Variants in CDKL2 observed in about 807,000 individuals in gnomAD.
The protein encoded by CDKL2 is cyclin-dependent kinase-like 2.
CDKL2 carries 64 observed loss-of-function variants against 63.9 expected under a neutral mutation model. The ratio of observed to expected loss-of-function variants is 1.00; its 90% CI spans 0.82 to 1.23. CDKL2 has a LOEUF of 1.23. CDKL2 is among the 50% of genes most tolerant of loss of function. CDKL2 has a pLI of 0.00. For synonymous variants in CDKL2, 211 were observed against 229.2 expected (o/e 0.92, Z 0.72); for missense variants, 656 against 668.0 (o/e 0.98, Z 0.20).
At position 75,592,157 on chromosome 4, in the gene CDKL2, A is replaced by G; in HGVS notation, c.1529T>C (p.Leu510Pro). The G allele has an allele frequency of 1.3e-6, 2 of 1,533,700 alleles. No individual in the cohort carries two copies. The highest frequency in any genetic ancestry group is 1.7e-6 in the Non-Finnish European group (2 of 1,146,030). The change falls in exon 11 of 14, where the codon CTG (leucine) becomes CCG (proline). Residue 510 changes from leucine to proline, a missense_variant. Transcript: ENST00000307465. ...NYNHLPELRA[L>P]GGIARNSRLT... Reference sequence around the variant, plus strand: ...CATTATCAACACACCTATGCCTCCCAGTGCTCTTAGTTCAGGGAGATGATT... The same window carrying G: ...CATTATCAACACACCTATGCCTCCCGGTGCTCTTAGTTCAGGGAGATGATT...
chr4:75,615,569 C>G (rs1349562184), intron 2 of CDKL2, among the ~76,000 whole-genome samples: 1 of 152,214 alleles, frequency 6.6e-6, no homozygotes, highest in Non-Finnish European at 1.5e-5. Flanking sequence ...GTAAAAACAA[C>G]ATGAGCATTG....
Position 75,577,995 on chromosome 4 carries a change from CAA to C in CDKL2, c.*1205_*1206del, listed in dbSNP as rs10684785. 12 of 138,866 alleles carry C rather than the reference CAA, an allele frequency of 8.6e-5. No homozygotes were observed. Among genetic ancestry groups the C allele is most frequent in the Non-Finnish European group, 9.3e-5 (6 of 64,716 alleles). 8.6% of individuals were successfully genotyped at this position (138,866 alleles called of 1,614,324 possible). The stretch of plus-strand genomic sequence containing the variant: ...GCAACACACTATTAATTAGTTAAGG[CAA>C]AAAAAAAAAAAAAACTCACAAATTC... On this transcript the variant is annotated 3_prime_UTR_variant, in exon 14 of 14. Transcript: ENST00000307465.
rs573303705 is a variant in CDKL2, at chr4:75,606,449, A to G, written c.542+734T>C. Among the ~76,000 whole-genome samples, 4 of 152,242 alleles carry G rather than the reference A, an allele frequency of 2.6e-5. No homozygotes were observed. The East Asian group carries it at 7.7e-4, about 29-fold the overall frequency. Reference sequence around the variant, plus strand: ...AGGCTGGTCTTGAACTCCTGACCTCATGATCCTCCCGCCTGGGCCTCCCAA... The same window carrying G: ...AGGCTGGTCTTGAACTCCTGACCTCGTGATCCTCCCGCCTGGGCCTCCCAA... On this transcript the variant is annotated intron_variant, in intron 4 of 13. Coordinates refer to ENST00000307465, the MANE Select transcript of CDKL2 (RefSeq NM_001330724.2).
chr4:75,595,177 T>A (rs983008916), intron 10 of CDKL2, among the ~76,000 whole-genome samples: 1 of 151,106 alleles, frequency 6.6e-6, no homozygotes, highest in African/African-American at 2.4e-5. Context: ...ATTTATTATA[T>A]AAATAAATAG....
In CDKL2 at chr4:75,625,925, T is replaced by C; in HGVS notation, c.64A>G (p.Arg22Gly). The change falls in exon 2 of 14, where the codon AGG becomes GGG. Residue 22 changes from arginine (R) to glycine (G), a missense_variant. Coordinates refer to ENST00000307465, the MANE Select transcript of CDKL2 (RefSeq NM_001330724.2). ...EGSYGMVMKC[R>G]NKDTGRIVAI... ...ACAATTCTTCCAGTATCTTTATTCCTACACTTCATCACCATTCCATAACTC... is the reference window on the plus strand; with the variant it reads ...ACAATTCTTCCAGTATCTTTATTCCCACACTTCATCACCATTCCATAACTC... The C allele has an allele frequency of 6.2e-7, 1 of 1,613,008 alleles. No homozygotes were observed. The highest frequency in any genetic ancestry group is 1.3e-5 in the African/African-American group (1 of 75,038).
chr4:75,612,501 T>C (rs1729748255), intron 3 of CDKL2, among the ~76,000 whole-genome samples: 1 of 152,200 alleles, frequency 6.6e-6, no homozygotes, highest in Non-Finnish European at 1.5e-5. Flanking sequence ...CTGGTTCCAC[T>C]GGCAAGCCTA....
chr4:75,627,846 A>G (rs13133699), intron 1 of CDKL2, among the ~76,000 whole-genome samples: 130,280 of 148,790 alleles, frequency 0.88, 57,008 homozygotes, highest in East Asian at 0.92. Flanking sequence ...CCCAGTAGCT[A>G]GGGTTACAGG....
At chr4:75,603,769 T>G (rs866959625) in intron 6 of CDKL2, 48 bp downstream of exon 6, 6 of 1,175,936 alleles carry the variant, frequency 5.1e-6, no homozygotes, top group Middle Eastern at 2.4e-4. Flanking sequence ...AAGGTCTTGA[T>G]AGTGCATAAA....
At chr4:75,603,999 G>T (rs771595312) in intron 5 of CDKL2, 43 bp from the exon 6 acceptor site, 1 of 1,555,446 alleles carries the variant, frequency 6.4e-7, no homozygotes, top group South Asian at 1.2e-5. Flanking sequence ...TATACAACAT[G>T]ATAGAAATGG....
chr4:75,622,123 G>A (rs1375122256), intron 2 of CDKL2, among the ~76,000 whole-genome samples: 1 of 151,918 alleles, frequency 6.6e-6, no homozygotes, highest in Non-Finnish European at 1.5e-5. Context: ...TAAAACACCA[G>A]CAAAAGAATG....
At chr4:75,628,346 A>T (rs7662399) in intron 1 of CDKL2, among the ~76,000 whole-genome samples, 12 of 152,180 alleles carry the variant, frequency 7.9e-5, no homozygotes, top group Middle Eastern at 3.4e-3. Context: ...CGATCTCCTG[A>T]CCTCGTGATC....
At chr4:75,591,699 G>A (rs889192377) in intron 12 of CDKL2, 120 bp downstream of exon 12, 4 of 623,296 alleles carry the variant, frequency 6.4e-6, no homozygotes, top group Non-Finnish European at 1.1e-5. Context: ...CAAGCAAAAT[G>A]TTATAGATCC....
chr4:75,595,954 GAGGAAGGA>G (rs773043076), intron 10 of CDKL2: 1 of 220,672 alleles, frequency 4.5e-6, no homozygotes, highest in African/African-American at 3.0e-5. Flanking sequence ...AAAAGAAAGA[GAGGAAGGA>G]AGGAAGGAAG....
chr4:75,592,033 T>C lies in CDKL2; in HGVS notation c.1541-108A>G. 5 of 1,292,012 alleles carry C rather than the reference T, an allele frequency of 3.9e-6. No individual in the cohort carries two copies. In the South Asian group the frequency reaches 7.4e-5, roughly 19 times the overall value. 80.0% of individuals were successfully genotyped at this position (1,292,012 alleles called of 1,614,324 possible). A position where few individuals can be genotyped will look rare whatever the true frequency, so the allele number is the denominator to read the frequency against. Reference sequence around the variant, plus strand: ...CAGTATGTACTTATTATAACAGGTATTTACATACTTAAATATGTAAAGTTA... The same window carrying C: ...CAGTATGTACTTATTATAACAGGTACTTACATACTTAAATATGTAAAGTTA... On this transcript the variant is annotated intron_variant, in intron 11 of 13. Transcript: ENST00000307465.
chr4:75,595,299 T>C (rs1458547426), intron 10 of CDKL2, among the ~76,000 whole-genome samples: 2 of 150,752 alleles, frequency 1.3e-5, no homozygotes, highest in African/African-American at 4.9e-5. Context: ...TAGCCTCAAC[T>C]TTCCAGGCTC....
In CDKL2 at chr4:75,607,165, C is replaced by G. The variant is rs1489032893; in HGVS notation, c.542+18G>C. Reference sequence around the variant, plus strand: ...AGCAAGAGTAAAAATCTACTCCTCCCCATTACTGATGTCTTACTTGCCATA... The same window carrying G: ...AGCAAGAGTAAAAATCTACTCCTCCGCATTACTGATGTCTTACTTGCCATA... On this transcript the variant is annotated intron_variant, in intron 4 of 13. Transcript: ENST00000307465. 1 of 1,588,752 alleles carries G rather than the reference C, an allele frequency of 6.3e-7. No individual in the cohort carries two copies. Among genetic ancestry groups the G allele is most frequent in the Admixed American group, 1.7e-5 (1 of 57,696 alleles).
intron 12 of CDKL2, among the ~76,000 whole-genome samples, chr4:75,586,045 T>TA (rs1306405450): frequency 6.6e-6 from 1 of 152,092 alleles, no homozygotes; most frequent in Non-Finnish European, 1.5e-5. Context: ...TCATTGAATC[T>TA]AAAAAAATCA....
intron 6 of CDKL2, 144 bp from the exon 7 acceptor site, chr4:75,600,513 A>G: frequency 3.2e-6 from 2 of 625,742 alleles, no homozygotes; most frequent in African/African-American, 1.8e-5. Flanking sequence ...GCTAGAGTGC[A>G]GTGGTGTGAT....
intron 6 of CDKL2, among the ~76,000 whole-genome samples, chr4:75,602,709 A>G (rs1334593594): frequency 6.6e-6 from 1 of 151,754 alleles, no homozygotes; most frequent in Non-Finnish European, 1.5e-5. Context: ...TTTCTAATAG[A>G]GATGGGGTTT....
Sources: allele counts gnomAD v4.1 joint callset (sites outside exome capture counted in the v4.1 genomes callset), GRCh38; gene constraint gnomAD v4.1.1; transcripts MANE v1.5; gene names NCBI Gene and HGNC (gene_info 2026-07-23, HGNC 2026-07-21).